NKAIN2: variants seen among roughly 807,000 people sequenced by gnomAD.
NKAIN2 encodes the protein sodium/potassium-transporting ATPase subunit beta-1-interacting protein 2.
In NKAIN2, 14 loss-of-function variants were observed where a neutral mutation model predicts 32.6. The ratio of observed to expected loss-of-function variants is 0.43; its 90% CI spans 0.28 to 0.67. The LOEUF is 0.67. Among genes scored for constraint, NKAIN2 ranks in the 30% least tolerant of loss-of-function variants. NKAIN2 has a pLI of 0.17. For synonymous variants in NKAIN2, 80 were observed against 87.2 expected, an observed-to-expected ratio of 0.92 and a Z score of 0.46; for missense variants, 198 against 258.3, an observed-to-expected ratio of 0.77 and a Z score of 1.60.
intron 2 of NKAIN2, among the ~76,000 whole-genome samples, chr6:124,308,154 G>C (rs2626118): frequency 0.26 from 38,572 of 147,850 alleles, 8,709 homozygotes; most frequent in African/African-American, 0.61. Context: ...CCCCCACCCC[G>C]CAGCAGGCCC....
At chr6:124,525,331 A>G (rs1325144286) in intron 3 of NKAIN2, among the ~76,000 whole-genome samples, 1 of 152,120 alleles carries the variant, frequency 6.6e-6, no homozygotes, top group Non-Finnish European at 1.5e-5. Flanking sequence ...AGCAATACCA[A>G]ATGAGGTATT....
intron 2 of NKAIN2, among the ~76,000 whole-genome samples, chr6:124,352,697 G>A (rs964801850): frequency 1.3e-5 from 2 of 152,146 alleles, no homozygotes; most frequent in Non-Finnish European, 2.9e-5. Flanking sequence ...GTGCACAAAG[G>A]AAGTGATAAA....
intron 4 of NKAIN2, among the ~76,000 whole-genome samples, chr6:124,686,023 C>T (rs1046640914): frequency 6.6e-6 from 1 of 152,058 alleles, no homozygotes; most frequent in Non-Finnish European, 1.5e-5. Context: ...GGATTAAATT[C>T]CAAGCTCACT....
At chr6:124,316,338 C>T (rs1489044644) in intron 2 of NKAIN2, among the ~76,000 whole-genome samples, 1 of 152,058 alleles carries the variant, frequency 6.6e-6, no homozygotes. Context: ...TTTCTTAGCT[C>T]TCATAACTAC....
At chr6:124,029,264 C>A (rs1452367334) in intron 1 of NKAIN2, among the ~76,000 whole-genome samples, 1 of 151,608 alleles carries the variant, frequency 6.6e-6, no homozygotes, top group Non-Finnish European at 1.5e-5. Context: ...TAGTGAAATT[C>A]TTGAATTTTC....
chr6:124,211,994 T>C (rs1238326815), intron 1 of NKAIN2, among the ~76,000 whole-genome samples: 1 of 152,096 alleles, frequency 6.6e-6, no homozygotes. Context: ...GAATATTTTG[T>C]ATTAGTTTAA....
intron 3 of NKAIN2, among the ~76,000 whole-genome samples, chr6:124,625,956 A>ATT (rs1783314104): frequency 6.6e-6 from 1 of 151,326 alleles, no homozygotes; most frequent in Non-Finnish European, 1.5e-5. Context: ...TTTTATTATT[A>ATT]TTATACTTTA....
intron 1 of NKAIN2, among the ~76,000 whole-genome samples, chr6:123,816,277 G>T (rs1773690367): frequency 6.6e-6 from 1 of 152,036 alleles, no homozygotes; most frequent in Admixed American, 6.6e-5. Flanking sequence ...TCCTTGGAAG[G>T]AGTTTGGGAC....
intron 1 of NKAIN2, among the ~76,000 whole-genome samples, chr6:124,277,899 A>G (rs1171280341): frequency 6.6e-6 from 1 of 151,856 alleles, no homozygotes; most frequent in Non-Finnish European, 1.5e-5. Context: ...ACTCTGTTTC[A>G]TCATCATAGT....
intron 1 of NKAIN2, among the ~76,000 whole-genome samples, chr6:124,137,810 A>G (rs1177052394): frequency 6.6e-6 from 1 of 152,180 alleles, no homozygotes; most frequent in Non-Finnish European, 1.5e-5. Context: ...CTGGCAAGCC[A>G]TATGTAGAAG....
At chr6:123,888,817 A>G (rs1773858744) in intron 1 of NKAIN2, among the ~76,000 whole-genome samples, 3 of 152,050 alleles carry the variant, frequency 2.0e-5, no homozygotes. Context: ...TCTCTTAGGG[A>G]CTGTCCATAC....
chr6:124,169,253 A>G (rs1458199180), intron 1 of NKAIN2, among the ~76,000 whole-genome samples: 3 of 152,174 alleles, frequency 2.0e-5, no homozygotes, highest in Non-Finnish European at 4.4e-5. Flanking sequence ...TCAAAAATTT[A>G]TTTCTCTTAG....
intron 3 of NKAIN2, among the ~76,000 whole-genome samples, chr6:124,455,381 G>T (rs1297657592): frequency 2.0e-5 from 3 of 151,964 alleles, no homozygotes; most frequent in Non-Finnish European, 4.4e-5. Context: ...ACCAGCTGAA[G>T]TGCAGACAAA....
intron 1 of NKAIN2, among the ~76,000 whole-genome samples, chr6:124,051,844 T>G (rs1782418357): frequency 2.6e-5 from 4 of 152,008 alleles, no homozygotes. Flanking sequence ...AGATAAAAGT[T>G]TATCTAAGAA....
At chr6:124,712,367 C>A (rs1775533172) in intron 4 of NKAIN2, among the ~76,000 whole-genome samples, 1 of 115,472 alleles carries the variant, frequency 8.7e-6, no homozygotes, top group Non-Finnish European at 1.8e-5. Flanking sequence ...TTTCTGGCTG[C>A]TTTGTTTACC....
chr6:124,265,385 T>A (rs1794447335), intron 1 of NKAIN2, among the ~76,000 whole-genome samples: 1 of 152,148 alleles, frequency 6.6e-6, no homozygotes, highest in South Asian at 2.1e-4. Context: ...TTAATACTGT[T>A]GTATACCAAA....
At chr6:123,839,822 T>C (rs939955488) in intron 1 of NKAIN2, among the ~76,000 whole-genome samples, 4 of 152,150 alleles carry the variant, frequency 2.6e-5, no homozygotes, top group African/African-American at 9.7e-5. Flanking sequence ...GTTCCTATGC[T>C]CAAAATGTCG....
chr6:123,901,935 A>C (rs973889793), intron 1 of NKAIN2, among the ~76,000 whole-genome samples: 2 of 152,112 alleles, frequency 1.3e-5, no homozygotes, highest in Non-Finnish European at 2.9e-5. Flanking sequence ...AATGAGGCTG[A>C]TACTTATTTT....
intron 4 of NKAIN2, among the ~76,000 whole-genome samples, chr6:124,669,480 A>G (rs1217594801): frequency 2.0e-5 from 3 of 152,082 alleles, no homozygotes; most frequent in African/African-American, 7.2e-5. Flanking sequence ...AGGGAAGGCC[A>G]TTCTGTGATA....
Sources: gnomAD v4.1 joint callset for allele counts (sites outside exome capture counted in the v4.1 genomes callset) on GRCh38, gnomAD v4.1.1 for gene constraint, MANE v1.5 for transcripts, NCBI Gene and HGNC (gene_info 2026-07-23, HGNC 2026-07-21) for gene names.